CUBN: variants seen among roughly 807,000 people sequenced by gnomAD.
CUBN encodes 460 kDa receptor.
In CUBN, 282 loss-of-function variants were observed where a neutral mutation model predicts 405.3. The ratio of observed to expected loss-of-function variants is 0.70; its 90% CI spans 0.63 to 0.77. CUBN has a LOEUF of 0.77. Ranked by LOEUF, CUBN falls within the 30% of genes least tolerant of loss-of-function variation. The pLI is 0.00. For synonymous variants in CUBN, 1,684 were observed against 1,617.0 expected (o/e 1.04, Z -0.99); for missense variants, 4,514 against 4,475.2 (o/e 1.01, Z -0.25).
chr10:17,123,519 C>G (rs1333645231), intron 5 of CUBN, 69 bp downstream of exon 5: 1 of 1,150,254 alleles, frequency 8.7e-7, no homozygotes, highest in African/African-American at 1.5e-5. Context: ...ATTAAATATG[C>G]CTGATGATTC....
chr10:16,893,883 G>GTGCAATTGGTAAATATTA (rs1441844490), intron 54 of CUBN, among the ~76,000 whole-genome samples: 39 of 152,314 alleles, frequency 2.6e-4, no homozygotes, highest in African/African-American at 8.2e-4. Context: ...AATGCCCAGA[G>GTGCAATTGGTAAATATTA]TGCAATTGGT....
intron 43 of CUBN, among the ~76,000 whole-genome samples, chr10:16,920,491 T>G (rs1246007270): frequency 6.6e-6 from 1 of 152,142 alleles, no homozygotes; most frequent in Non-Finnish European, 1.5e-5. Flanking sequence ...AGTTACAGCT[T>G]CCCACTGAGC....
chr10:16,860,116 G>C (rs1030893610), intron 59 of CUBN, among the ~76,000 whole-genome samples: 12 of 151,880 alleles, frequency 7.9e-5, no homozygotes, highest in African/African-American at 2.9e-4. Context: ...AAAAAGAAAA[G>C]ATAGTTAAAG....
At chr10:16,970,308 T>C (rs1489745067) in intron 31 of CUBN, among the ~76,000 whole-genome samples, 4 of 152,218 alleles carry the variant, frequency 2.6e-5, no homozygotes, top group African/African-American at 4.8e-5. Flanking sequence ...CTCACGCCTA[T>C]AATCCCAGCA....
intron 31 of CUBN, among the ~76,000 whole-genome samples, chr10:16,972,448 T>G (rs556026194): frequency 6.6e-6 from 1 of 151,656 alleles, no homozygotes; most frequent in African/African-American, 2.4e-5. Flanking sequence ...TCACAATTTT[T>G]TTTTTTTTTG....
chr10:16,901,916 T>C (rs58503495), intron 51 of CUBN, among the ~76,000 whole-genome samples: 60,669 of 109,774 alleles, frequency 0.55, 17,252 homozygotes, highest in East Asian at 0.87. Flanking sequence ...TATATATATA[T>C]ATACACACAC....
intron 40 of CUBN, 59 bp downstream of exon 40, chr10:16,933,028 T>C (rs539366712): frequency 1.3e-6 from 2 of 1,546,942 alleles, no homozygotes; most frequent in Admixed American, 3.3e-5. Flanking sequence ...CTGATGATAA[T>C]GGACTAGAAC....
At chr10:17,021,090 G>T (rs1184385794) in intron 27 of CUBN, among the ~76,000 whole-genome samples, 1 of 151,760 alleles carries the variant, frequency 6.6e-6, no homozygotes, top group Non-Finnish European at 1.5e-5. Context: ...CTTAACTTGT[G>T]TTATTTTAAT....
chr10:17,066,003 C>T (rs1835606620), intron 21 of CUBN, among the ~76,000 whole-genome samples: 1 of 152,180 alleles, frequency 6.6e-6, no homozygotes, highest in Non-Finnish European at 1.5e-5. Flanking sequence ...AGTCATCTCT[C>T]TAATCTAAAC....
chr10:17,087,466 C>CTTTTTT lies in CUBN; in HGVS notation c.1947+697_1947+698insAAAAAA, dbSNP rs879308596. On this transcript the variant is annotated intron_variant, in intron 15 of 66. Transcript: ENST00000377833. ...GTTCAACACAATCACTATTATTTTT[C>CTTTTTT]TTTTTCTTTTTTTTTTTTTTTTTTT... 1.7e-3 allele frequency among the ~76,000 whole-genome samples: 139 copies of CTTTTTT among 79,774 alleles called. 14 individuals are homozygous for CTTTTTT. The highest frequency in any genetic ancestry group is 3.8e-3 in the East Asian group (10 of 2,620). The allele number at this position is 79,774 out of a possible 152,430, so 52.3% of individuals were successfully genotyped here.
intron 13 of CUBN, among the ~76,000 whole-genome samples, chr10:17,101,938 A>T (rs1836501685): frequency 6.6e-6 from 1 of 152,252 alleles, no homozygotes; most frequent in Non-Finnish European, 1.5e-5. Context: ...AGTATAGAAC[A>T]TGGCAGAGCA....
At chr10:17,125,431 G>T (rs11254383) in intron 4 of CUBN, among the ~76,000 whole-genome samples, 6,063 of 152,186 alleles carry the variant, frequency 0.04, 405 homozygotes, top group African/African-American at 0.14. Flanking sequence ...ACGTCTGGGG[G>T]TCTCTTTATG....
intron 31 of CUBN, among the ~76,000 whole-genome samples, chr10:16,958,973 G>C (rs1214482370): frequency 6.6e-6 from 1 of 152,206 alleles, no homozygotes; most frequent in Non-Finnish European, 1.5e-5. Context: ...ACCTTGAATG[G>C]TGCATCCTCT....
chr10:17,026,390 A>C (rs1175620228), intron 27 of CUBN, among the ~76,000 whole-genome samples: 1 of 152,152 alleles, frequency 6.6e-6, no homozygotes, highest in East Asian at 1.9e-4. Context: ...CCCAGCCCTT[A>C]GGGAAGCCGA....
At chr10:16,848,591 G>A (rs999371906) in intron 60 of CUBN, among the ~76,000 whole-genome samples, 31 of 148,972 alleles carry the variant, frequency 2.1e-4, no homozygotes, top group Non-Finnish European at 3.5e-4. Flanking sequence ...CATACTCTCC[G>A]TCTCTAAACC....
intron 62 of CUBN, among the ~76,000 whole-genome samples, chr10:16,836,665 G>C (rs373946444): frequency 1.3e-5 from 2 of 152,160 alleles, no homozygotes; most frequent in South Asian, 4.1e-4. Flanking sequence ...CTTCCTAGCT[G>C]AGGCCTGTGC....
At chr10:16,843,970 G>A (rs1839434820) in intron 60 of CUBN, among the ~76,000 whole-genome samples, 1 of 152,160 alleles carries the variant, frequency 6.6e-6, no homozygotes, top group Admixed American at 6.5e-5. Context: ...TTAAATGTAA[G>A]TAGAGACCTT....
At chr10:17,106,633 C>G (rs1174855222) in intron 10 of CUBN, among the ~76,000 whole-genome samples, 1 of 149,850 alleles carries the variant, frequency 6.7e-6, no homozygotes, top group Non-Finnish European at 1.5e-5. Context: ...TAGGTACTCT[C>G]TTATAATCCC....
intron 31 of CUBN, among the ~76,000 whole-genome samples, chr10:16,966,859 A>G (rs904968982): frequency 3.3e-5 from 5 of 152,230 alleles, no homozygotes; most frequent in Middle Eastern, 3.2e-3. Flanking sequence ...TTTAGGGCAC[A>G]GGAGAGATAA....
Sources: allele counts gnomAD v4.1 joint callset (sites outside exome capture counted in the v4.1 genomes callset), GRCh38; gene constraint gnomAD v4.1.1; transcripts MANE v1.5; gene names NCBI Gene and HGNC (gene_info 2026-07-23, HGNC 2026-07-21).